Variants in HSPG2 observed in about 807,000 individuals in gnomAD.
HSPG2 encodes heparan sulfate proteoglycan 2.
A neutral mutation model predicts 526.6 loss-of-function variants in HSPG2; 278 were observed. That is an observed-to-expected ratio of 0.53 (90% confidence interval 0.48 to 0.58). The LOEUF is 0.58. Ranked by LOEUF, HSPG2 falls within the 20% of genes least tolerant of loss-of-function variation. The probability of loss-of-function intolerance (pLI) is 0.00; values close to 1 mark genes in which losing one functional copy is unlikely to be tolerated. For synonymous variants in HSPG2, 2,465 were observed against 2,555.4 expected (o/e 0.96, Z 1.07); for missense variants, 5,354 against 6,099.5 (o/e 0.88, Z 4.07).
At chr1:21,914,775 G>A (rs1332291707) in intron 1 of HSPG2, among the ~76,000 whole-genome samples, 1 of 152,192 alleles carries the variant, frequency 6.6e-6, no homozygotes, top group Non-Finnish European at 1.5e-5. Flanking sequence ...GTGCTGGGAG[G>A]TGACCTTGAG....
At chr1:21,923,751 A>C (rs1250350806) in intron 1 of HSPG2, among the ~76,000 whole-genome samples, 1 of 151,978 alleles carries the variant, frequency 6.6e-6, no homozygotes, top group African/African-American at 2.4e-5. Context: ...CCCACCACTC[A>C]GCCTCTCTCC....
At chr1:21,914,234 A>G (rs915600067) in intron 1 of HSPG2, among the ~76,000 whole-genome samples, 3 of 152,180 alleles carry the variant, frequency 2.0e-5, no homozygotes, top group African/African-American at 7.2e-5. Flanking sequence ...AGAGTGCTGA[A>G]AAGGAAATAC....
Position 21,873,097 on chromosome 1 carries a change from G to A in HSPG2, c.3794-6C>T. 6.3e-7 allele frequency: 1 copy of A among 1,598,370 alleles called. No individual in the cohort carries two copies. On this transcript the variant is annotated splice_polypyrimidine_tract_variant and splice_region_variant and intron_variant, in intron 30 of 96. Transcript: ENST00000374695. ...CCCTGGCACCTGGCTGTCTCCTGAG[G>A]TGGAAGAAAGCCATGGCTGGAGCCC... is the stretch of plus-strand genomic sequence containing the variant.
intron 42 of HSPG2, 93 bp from the exon 43 acceptor site, chr1:21,857,478 T>G: frequency 8.9e-7 from 1 of 1,123,196 alleles, no homozygotes; most frequent in Non-Finnish European, 1.3e-6. Context: ...TAGGCATCAC[T>G]TCCTTCCTGG....
chr1:21,825,750 AC>A (rs2097971184), intron 91 of HSPG2, among the ~76,000 whole-genome samples: 1 of 151,416 alleles, frequency 6.6e-6, no homozygotes, highest in South Asian at 2.1e-4. Flanking sequence ...CCTTACAACA[AC>A]CCTATGAATG....
In HSPG2 at chr1:21,839,389, T is replaced by C; in HGVS notation, c.9871A>G (p.Ile3291Val). Residue 3291 changes from isoleucine (I) to valine (V), a missense_variant, in exon 73 of 97, where the codon ATC becomes GTC. Coordinates refer to ENST00000374695, the MANE Select transcript of HSPG2 (RefSeq NM_005529.7). The surrounding 1 kb of genome is among the most constrained non-coding windows in gnomAD (Gnocchi z 4.5). ...GCCTTACTCTCCACGTGCAGGATGA[T>C]GGTGGCCTCAGCGTGCCCAGCAGGG... ...TSPAGHAEAT[I>V]ILHVESPPYA... 1 of 1,613,250 alleles carries C rather than the reference T, an allele frequency of 6.2e-7. No individual in the cohort carries two copies. The highest frequency in any genetic ancestry group is 2.2e-5 in the East Asian group (1 of 44,868).
rs902023310 is a variant in HSPG2, at chr1:21,885,050, A to C, written c.1318T>G (p.Trp440Gly). The stretch of plus-strand genomic sequence containing the variant: ...GGGATGTGGCCCCAGTTGAGCCTCC[A>C]ATTGATGATGGGGGTGGGGACGCCA... ...AIGVPTPIINWRLNWGHIPSH... is the reference protein window; with the variant it reads ...AIGVPTPIINGRLNWGHIPSH... The change falls in exon 11 of 97, where the codon TGG (tryptophan) becomes GGG (glycine). Residue 440 changes from tryptophan (W) to glycine (G), a missense_variant. Physicochemically the swap from Trp to Gly is radical, Grantham distance 184. Transcript: ENST00000374695. 2 of 1,613,730 alleles carry C rather than the reference A, an allele frequency of 1.2e-6. No individual in the cohort carries two copies. Among genetic ancestry groups the C allele is most frequent in the Admixed American group, 3.3e-5 (2 of 59,996 alleles).
At position 21,839,393 on chromosome 1, in the gene HSPG2, G is replaced by A. The variant is rs753524306; in HGVS notation, c.9867C>T (p.Ala3289=). ...TACTCTCCACGTGCAGGATGATGGT[G>A]GCCTCAGCGTGCCCAGCAGGGCTAG... ...NATSPAGHAE[A]TIILHVESPP... The change falls in exon 73 of 97, where the codon GCC becomes GCT. Residue 3289 remains alanine (A), a synonymous_variant. Transcript: ENST00000374695. The surrounding 1 kb of genome is among the most constrained non-coding windows in gnomAD (Gnocchi z 4.5). 56 of 1,613,254 alleles carry A rather than the reference G, an allele frequency of 3.5e-5. No individual in the cohort carries two copies. Among genetic ancestry groups the A allele is most frequent in the Non-Finnish European group, 4.7e-5 (56 of 1,180,006 alleles).
At chr1:21,850,891 T>C (rs1161428289) in intron 55 of HSPG2, among the ~76,000 whole-genome samples, 1 of 152,180 alleles carries the variant, frequency 6.6e-6, no homozygotes, top group African/African-American at 2.4e-5. Flanking sequence ...TAGTAAAATA[T>C]TAACAGCTTA....
At position 21,846,474 on chromosome 1, in the gene HSPG2, C is replaced by T. The variant is rs1419850739; in HGVS notation, c.8290G>A (p.Gly2764Arg). ...TGATGGTGACTGGGGAGGCTGCCCC[C>T]ACGCTTGTGCCAAGTGACCTGGGCA... Reference protein sequence around the residue: ...AHAQVTWHKRGGSLPSHHQTR... With the variant: ...AHAQVTWHKRRGSLPSHHQTR... Residue 2764 changes from glycine (G) to arginine (R), a missense_variant, in exon 63 of 97, where the codon GGG (glycine) becomes AGG (arginine). Gly to Arg is a moderately radical substitution (Grantham distance 125). Transcript: ENST00000374695. 1.2e-6 allele frequency: 2 copies of T among 1,613,548 alleles called. No homozygotes were observed. Among genetic ancestry groups the T allele is most frequent in the Non-Finnish European group, 1.7e-6 (2 of 1,180,046 alleles).
At chr1:21,876,920 G>T (rs778907794) in intron 21 of HSPG2, among the ~76,000 whole-genome samples, 1 of 152,112 alleles carries the variant, frequency 6.6e-6, no homozygotes, top group Non-Finnish European at 1.5e-5. Context: ...TTAGCCTGGC[G>T]TGGTGGCACA....
intron 33 of HSPG2, chr1:21,870,959 C>T (rs1640597762): frequency 2.5e-6 from 2 of 812,038 alleles, no homozygotes; most frequent in Non-Finnish European, 3.0e-6. Flanking sequence ...CAGGAGATAG[C>T]GAACCCCAGA....
chr1:21,867,589 C>T (rs189823159), intron 33 of HSPG2, among the ~76,000 whole-genome samples: 11 of 152,222 alleles, frequency 7.2e-5, no homozygotes, highest in African/African-American at 2.2e-4. Flanking sequence ...TGATGTACTC[C>T]ACACAGTTTG....
intron 74 of HSPG2, 48 bp downstream of exon 74, chr1:21,838,777 G>T: frequency 6.3e-7 from 1 of 1,598,762 alleles, no homozygotes; most frequent in Non-Finnish European, 8.5e-7. Flanking sequence ...TCATCAAAGG[G>T]CCAGGAGGAA....
intron 38 of HSPG2, 27 bp downstream of exon 38, chr1:21,861,961 C>T (rs1639824741): frequency 4.3e-6 from 7 of 1,614,226 alleles, no homozygotes; most frequent in Non-Finnish European, 5.9e-6. Flanking sequence ...GGAAGTGTGT[C>T]CTTGGGCCTT....
chr1:21,906,413 T>G (rs1000562600), intron 1 of HSPG2, among the ~76,000 whole-genome samples: 1 of 152,220 alleles, frequency 6.6e-6, no homozygotes, highest in African/African-American at 2.4e-5. Context: ...GCCCGGCAGC[T>G]GTGGCCAAGG....
chr1:21,891,723 A>G (rs1642377532), intron 3 of HSPG2, among the ~76,000 whole-genome samples: 1 of 151,934 alleles, frequency 6.6e-6, no homozygotes, highest in Admixed American at 6.6e-5. Context: ...CTATCCTCCC[A>G]CTGCAGCCTC....
intron 33 of HSPG2, among the ~76,000 whole-genome samples, chr1:21,871,403 G>A (rs564085441): frequency 6.6e-6 from 1 of 151,848 alleles, no homozygotes; most frequent in Non-Finnish European, 1.5e-5. Flanking sequence ...TGGGACTACA[G>A]GCATGCACCA....
chr1:21,835,450 T>A, intron 76 of HSPG2, 90 bp downstream of exon 76: 1 of 849,484 alleles, frequency 1.2e-6, no homozygotes, highest in South Asian at 1.4e-5. Context: ...TTAGGGGGAT[T>A]CCTAGGGAAC....
Sources: gnomAD v4.1 joint callset for allele counts (sites outside exome capture counted in the v4.1 genomes callset) on GRCh38, gnomAD v4.1.1 for gene constraint, Gnocchi (gnomAD v3.1) non-coding constraint, MANE v1.5 for transcripts, NCBI Gene and HGNC (gene_info 2026-07-23, HGNC 2026-07-21) for gene names.